LINGO2: variants seen among roughly 807,000 people sequenced by gnomAD.
LINGO2 encodes the protein leucine-rich repeat and immunoglobulin-like domain-containing nogo receptor-interacting protein 2.
A neutral mutation model predicts 30.6 loss-of-function variants in LINGO2; 14 were observed. The ratio of observed to expected loss-of-function variants is 0.46; its 90% confidence interval spans 0.30 to 0.72. LINGO2 has a LOEUF of 0.72. Ranked by LOEUF, LINGO2 falls within the 30% of genes least tolerant of loss-of-function variation. LINGO2 has a pLI of 0.07. For synonymous variants in LINGO2, 317 were observed against 288.5 expected (o/e 1.10, Z -1.00); for missense variants, 729 against 751.7 (o/e 0.97, Z 0.35).
the LINGO2 span, among the ~76,000 whole-genome samples, chr9:28,913,125 A>C: frequency 6.6e-6 from 1 of 152,144 alleles, no homozygotes; most frequent in Non-Finnish European, 1.5e-5. Context: ...AGGTACTCCA[A>C]ACTAAATGAT....
intron 2 of LINGO2, among the ~76,000 whole-genome samples, chr9:28,453,119 G>A (rs1331887): frequency 3.3e-5 from 5 of 151,886 alleles, no homozygotes; most frequent in South Asian, 2.1e-4. Flanking sequence ...ATAAAATTTC[G>A]AAATGGTTGT....
intron 5 of LINGO2, among the ~76,000 whole-genome samples, chr9:27,997,802 C>T (rs1821743304): frequency 6.6e-6 from 1 of 152,166 alleles, no homozygotes; most frequent in South Asian, 2.1e-4. Context: ...AAGTTCAATG[C>T]TAATTTAATG....
chr9:28,508,945 C>T (rs1820260963), intron 1 of LINGO2, among the ~76,000 whole-genome samples: 1 of 152,036 alleles, frequency 6.6e-6, no homozygotes, highest in South Asian at 2.1e-4. Context: ...CTACTTCATG[C>T]AGTATGCATG....
intron 4 of LINGO2, among the ~76,000 whole-genome samples, chr9:28,286,315 G>A (rs1823506609): frequency 6.6e-6 from 1 of 152,132 alleles, no homozygotes; most frequent in Admixed American, 6.5e-5. Context: ...AATAACAGAT[G>A]CTGGCAAGGT....
At chr9:28,413,367 T>C (rs919061888) in intron 2 of LINGO2, among the ~76,000 whole-genome samples, 1 of 152,142 alleles carries the variant, frequency 6.6e-6, no homozygotes, top group African/African-American at 2.4e-5. Context: ...ATGTAGGTCT[T>C]TATTCATATT....
intron 3 of LINGO2, among the ~76,000 whole-genome samples, chr9:28,340,587 C>T (rs1240445059): frequency 1.3e-5 from 2 of 151,970 alleles, no homozygotes; most frequent in Non-Finnish European, 1.5e-5. Context: ...TTACCATATT[C>T]TTTACAAATT....
chr9:28,054,404 A>T (rs1305846936), intron 4 of LINGO2, among the ~76,000 whole-genome samples: 1 of 152,116 alleles, frequency 6.6e-6, no homozygotes, highest in Non-Finnish European at 1.5e-5. Flanking sequence ...GATGAGATGG[A>T]ACATTTTATA....
rs146402719 is a variant in LINGO2 at position 28,514,085 on chromosome 9, G to A, written c.-364-38060C>T. 1.9e-3 allele frequency among the ~76,000 whole-genome samples: 292 copies of A among 152,252 alleles called. 2 individuals are homozygous for A. The highest frequency in any genetic ancestry group is 6.6e-3 in the African/African-American group (275 of 41,536). On this transcript the variant is annotated intron_variant, in intron 1 of 5. Transcript: ENST00000379992. ...GATCTTTGACGTTACTGTTGTAATTGTTTTGAAATGCTAGAAATTATGCCC... is the reference window on the plus strand; with the variant it reads ...GATCTTTGACGTTACTGTTGTAATTATTTTGAAATGCTAGAAATTATGCCC...
the LINGO2 span, among the ~76,000 whole-genome samples, chr9:28,785,409 C>A: frequency 6.6e-6 from 1 of 152,142 alleles, no homozygotes; most frequent in East Asian, 1.9e-4. Flanking sequence ...TTCAGAGTAG[C>A]CACCCATGAT....
At chr9:28,534,845 C>G (rs921380895) in intron 1 of LINGO2, among the ~76,000 whole-genome samples, 15 of 152,190 alleles carry the variant, frequency 9.9e-5, no homozygotes, top group Admixed American at 7.2e-4. Context: ...ACTTATTATT[C>G]ATGGCACATT....
At chr9:28,890,538 T>C in the LINGO2 span, among the ~76,000 whole-genome samples, 2 of 152,052 alleles carry the variant, frequency 1.3e-5, no homozygotes, top group Admixed American at 6.6e-5. Context: ...TTTCTCCAAA[T>C]GGACCCAGAG....
chr9:28,624,482 G>A (rs2083199), intron 1 of LINGO2, among the ~76,000 whole-genome samples: 36,010 of 151,754 alleles, frequency 0.24, 5,010 homozygotes, highest in African/African-American at 0.36. Flanking sequence ...ATTGATTTGC[G>A]TATGTTAAGA....
At chr9:28,458,342 A>T (rs536361849) in intron 2 of LINGO2, among the ~76,000 whole-genome samples, 1 of 152,196 alleles carries the variant, frequency 6.6e-6, no homozygotes, top group Non-Finnish European at 1.5e-5. Flanking sequence ...ACATAGTGAC[A>T]CTTGTTCACA....
At chr9:28,947,857 A>C in the LINGO2 span, among the ~76,000 whole-genome samples, 1 of 152,118 alleles carries the variant, frequency 6.6e-6, no homozygotes, top group African/African-American at 2.4e-5. Context: ...CTCCAACTTC[A>C]TTTGGGATAC....
chr9:28,723,475 T>C, the LINGO2 span, among the ~76,000 whole-genome samples: 1 of 152,264 alleles, frequency 6.6e-6, no homozygotes, highest in South Asian at 2.1e-4. Context: ...GAAAATTCTA[T>C]ATTCCTTGAA....
At chr9:28,837,011 CAA>C in the LINGO2 span, among the ~76,000 whole-genome samples, 3 of 152,264 alleles carry the variant, frequency 2.0e-5, no homozygotes, top group Admixed American at 2.0e-4. Context: ...TATTACAGGA[CAA>C]AGTTATCCTT....
chr9:27,997,992 A>C (rs1039098733), intron 5 of LINGO2, among the ~76,000 whole-genome samples: 2 of 152,128 alleles, frequency 1.3e-5, no homozygotes, highest in African/African-American at 4.8e-5. Context: ...AGTCTGAATT[A>C]GTTGCTATTT....
At chr9:29,156,424 T>C in the LINGO2 span, among the ~76,000 whole-genome samples, 79 of 152,230 alleles carry the variant, frequency 5.2e-4, no homozygotes, top group Middle Eastern at 6.8e-3. Context: ...ATCAACTCTT[T>C]GCTTTAGGCA....
intron 2 of LINGO2, among the ~76,000 whole-genome samples, chr9:28,428,926 C>T (rs7046382): frequency 0.92 from 140,469 of 152,206 alleles, 64,891 homozygotes; most frequent in East Asian, 1. Context: ...GTTATCCTTA[C>T]ACTCAAAAGG....
Sources: allele counts gnomAD v4.1 joint callset (sites outside exome capture counted in the v4.1 genomes callset), GRCh38; gene constraint gnomAD v4.1.1; transcripts MANE v1.5; gene names NCBI Gene and HGNC (gene_info 2026-07-23, HGNC 2026-07-21).